The following DCC variants were observed in gnomAD, a reference collection of about 807,000 sequenced individuals.
The protein encoded by DCC is DCC netrin 1 receptor, also known as netrin receptor DCC.
In DCC, 58 loss-of-function variants were observed where a neutral mutation model predicts 172.5. The observed-to-expected ratio is 0.34, with a 90% CI of 0.27 to 0.42. The LOEUF (loss-of-function observed/expected upper bound fraction) is 0.42, where lower values mean the gene tolerates loss of function less well. Among genes scored for constraint, DCC ranks in the 10% least tolerant of loss-of-function variants. The pLI is 1.00. For missense variants in DCC, 1,740 were observed against 1,791.0 expected (o/e 0.97, Z 0.51); for synonymous variants, 709 against 644.5 (o/e 1.10, Z -1.52).
chr18:53,338,921 T>C (rs2057622036), intron 14 of DCC, among the ~76,000 whole-genome samples: 1 of 152,200 alleles, frequency 6.6e-6, no homozygotes, highest in African/African-American at 2.4e-5. Context: ...GGATAAATGA[T>C]ATCTCAAAAT....
At chr18:52,448,398 G>A (rs1254659322) in intron 1 of DCC, among the ~76,000 whole-genome samples, 1 of 152,084 alleles carries the variant, frequency 6.6e-6, no homozygotes, top group Admixed American at 6.6e-5. Context: ...GGTGAACAGA[G>A]CATACATTTT....
intron 27 of DCC, among the ~76,000 whole-genome samples, chr18:53,505,750 A>G (rs1213007818): frequency 6.6e-6 from 1 of 152,222 alleles, no homozygotes; most frequent in East Asian, 1.9e-4. Flanking sequence ...TGTAAGCTAC[A>G]AAGAATGTAC....
chr18:52,546,898 C>T (rs924249513), intron 1 of DCC, among the ~76,000 whole-genome samples: 3 of 152,008 alleles, frequency 2.0e-5, no homozygotes, highest in Admixed American at 2.0e-4. Context: ...CCAAATTGTG[C>T]ACGATGGATC....
chr18:52,391,295 C>T (rs1986021058), intron 1 of DCC, among the ~76,000 whole-genome samples: 3 of 152,024 alleles, frequency 2.0e-5, no homozygotes, highest in Admixed American at 6.6e-5. Context: ...TCAAATGTTG[C>T]TTCACCATTA....
intron 1 of DCC, among the ~76,000 whole-genome samples, chr18:52,373,331 A>G (rs905268174): frequency 2.6e-5 from 4 of 152,130 alleles, no homozygotes; most frequent in Non-Finnish European, 4.4e-5. Context: ...CAAGGTCTCT[A>G]TGTTCTATGC....
chr18:52,787,931 G>A (rs1297574635), intron 2 of DCC, among the ~76,000 whole-genome samples: 1 of 152,070 alleles, frequency 6.6e-6, no homozygotes, highest in East Asian at 1.9e-4. Context: ...TGAAACCTCA[G>A]ACAATTTCAT....
rs1984509260 is a variant in DCC, at chr18:52,359,165, TC to T, written c.91+18291del. Among the ~76,000 whole-genome samples the T allele has an allele frequency of 3.3e-5, 5 of 152,134 alleles. No individual in the cohort carries two copies. In the South Asian group the frequency reaches 1.0e-3, roughly 32 times the overall value. On this transcript the variant is annotated intron_variant, in intron 1 of 28. Transcript: ENST00000442544. ...TTCTTCCTTAAGTAGTATTTAAATC[TC>T]CCCTACATAAATGAGTTACTGCAGA...
At chr18:52,672,093 C>A (rs920436480) in intron 1 of DCC, among the ~76,000 whole-genome samples, 3 of 152,018 alleles carry the variant, frequency 2.0e-5, no homozygotes, top group African/African-American at 7.2e-5. Context: ...TAATATTAAC[C>A]TCTATGTACA....
intron 1 of DCC, among the ~76,000 whole-genome samples, chr18:52,506,421 A>G (rs952797008): frequency 2.0e-5 from 3 of 152,108 alleles, no homozygotes; most frequent in Admixed American, 6.5e-5. Context: ...TGGATGGAAT[A>G]CAGTAATAAA....
At chr18:53,421,213 G>A (rs1476126547) in intron 21 of DCC, among the ~76,000 whole-genome samples, 1 of 152,142 alleles carries the variant, frequency 6.6e-6, no homozygotes, top group Non-Finnish European at 1.5e-5. Context: ...ACTTTGAGAT[G>A]TCTTTGTATG....
At chr18:52,455,611 T>C (rs1184281778) in intron 1 of DCC, among the ~76,000 whole-genome samples, 1 of 152,192 alleles carries the variant, frequency 6.6e-6, no homozygotes, top group African/African-American at 2.4e-5. Context: ...TCAAGACCTT[T>C]ACAGGGGCAA....
chr18:53,001,810 A>G (rs2041568481), intron 5 of DCC, among the ~76,000 whole-genome samples: 1 of 152,072 alleles, frequency 6.6e-6, no homozygotes, highest in African/African-American at 2.4e-5. Context: ...GAGTGTGACC[A>G]TATGATGAGA....
chr18:52,394,469 G>T (rs1986145107), intron 1 of DCC, among the ~76,000 whole-genome samples: 1 of 151,722 alleles, frequency 6.6e-6, no homozygotes, highest in South Asian at 2.1e-4. Context: ...AGAGGTGGAG[G>T]TCTTGCTACA....
At chr18:52,410,679 C>T (rs1173132196) in intron 1 of DCC, among the ~76,000 whole-genome samples, 1 of 152,130 alleles carries the variant, frequency 6.6e-6, no homozygotes, top group Non-Finnish European at 1.5e-5. Context: ...TGTACTTCTA[C>T]TGCTAAAATG....
At chr18:52,719,479 A>G (rs910635448) in intron 1 of DCC, among the ~76,000 whole-genome samples, 23 of 152,068 alleles carry the variant, frequency 1.5e-4, no homozygotes, top group Non-Finnish European at 2.9e-4. Context: ...CGTTCAGTGA[A>G]TTATTACTGG....
At chr18:53,058,363 G>A (rs1042064084) in intron 5 of DCC, among the ~76,000 whole-genome samples, 1 of 152,046 alleles carries the variant, frequency 6.6e-6, no homozygotes, top group African/African-American at 2.4e-5. Context: ...TTTATTCTGT[G>A]GACATTGAAA....
intron 1 of DCC, among the ~76,000 whole-genome samples, chr18:52,430,146 C>A (rs1192677375): frequency 6.6e-6 from 1 of 152,078 alleles, no homozygotes; most frequent in Non-Finnish European, 1.5e-5. Context: ...GACACCCAAT[C>A]TACATTCTCT....
At chr18:52,993,805 G>A (rs2041433865) in intron 5 of DCC, among the ~76,000 whole-genome samples, 1 of 147,644 alleles carries the variant, frequency 6.8e-6, no homozygotes, top group African/African-American at 2.6e-5. Context: ...TAAGTTCTGA[G>A]AATTTTCTAT....
At chr18:52,960,704 G>C (rs1160301691) in intron 5 of DCC, among the ~76,000 whole-genome samples, 1 of 152,058 alleles carries the variant, frequency 6.6e-6, no homozygotes, top group East Asian at 1.9e-4. Context: ...AGCAAACTGA[G>C]CTTTGTAATT....
Sources: allele counts gnomAD v4.1 joint callset (sites outside exome capture counted in the v4.1 genomes callset), GRCh38; gene constraint gnomAD v4.1.1; transcripts MANE v1.5; gene names NCBI Gene and HGNC (gene_info 2026-07-23, HGNC 2026-07-21).